CYP4A11: variants seen among roughly 807,000 people sequenced by gnomAD.
CYP4A11 encodes the protein cytochrome P450 4A11.
A neutral mutation model predicts 57.7 loss-of-function variants in CYP4A11; 52 were observed. The ratio of observed to expected loss-of-function variants is 0.90; its 90% confidence interval spans 0.72 to 1.14. CYP4A11 has a LOEUF of 1.14. Among genes scored for constraint, CYP4A11 ranks in the 50% most tolerant of loss-of-function variants. The pLI is 0.00. For missense variants in CYP4A11, 641 were observed against 642.1 expected (o/e 1.00, Z 0.02); for synonymous variants, 228 against 247.1 (o/e 0.92, Z 0.72).
intron 3 of CYP4A11, among the ~76,000 whole-genome samples, chr1:46,937,048 G>A (rs759108620): frequency 1.3e-5 from 2 of 152,166 alleles, no homozygotes; most frequent in Admixed American, 1.3e-4. Flanking sequence ...AAAGGGTTGT[G>A]GGCAGATGTA....
At chr1:46,939,524 T>C (rs947696455) in intron 1 of CYP4A11, among the ~76,000 whole-genome samples, 1 of 152,200 alleles carries the variant, frequency 6.6e-6, no homozygotes, top group African/African-American at 2.4e-5. Context: ...AGTCATCATT[T>C]ACTGAGGGAC....
rs1681100533 is a variant in CYP4A11 at position 46,932,748 on chromosome 1, C to G, written c.1364+13G>C. On this transcript the variant is annotated intron_variant, in intron 11 of 11. Coordinates refer to ENST00000310638, the MANE Select transcript of CYP4A11 (RefSeq NM_000778.4). ...TCATTCCTCTATTCGAATTACCACA[C>G]AGGACGTCTCACCTTGATCCTCCTG... The G allele has an allele frequency of 6.2e-7, 1 of 1,614,194 alleles. No homozygotes were observed.
rs1681470940 is a variant in CYP4A11, at chr1:46,937,308, A to G, written c.376T>C (p.Trp126Arg). 7 of 1,614,126 alleles carry G rather than the reference A, an allele frequency of 4.3e-6. No individual in the cohort carries two copies. The highest frequency in any genetic ancestry group is 1.7e-4 in the Middle Eastern group (1 of 6,060). The part of the protein sequence containing the change: ...SHGSYRFLAP[W>R]IGYGLLLLNG... ...TCCTAGTTTGCACACATACCAATCC[A>G]TGGAGCCAGGAATCTGTAGGAACCA... Residue 126 changes from tryptophan (W) to arginine (R), a missense_variant, in exon 3 of 12, where the codon TGG becomes CGG. Transcript: ENST00000310638.
chr1:46,937,090 G>C (rs201934350), intron 3 of CYP4A11, among the ~76,000 whole-genome samples: 1 of 152,216 alleles, frequency 6.6e-6, no homozygotes, highest in Non-Finnish European at 1.5e-5. Flanking sequence ...TGTCTGGAGA[G>C]AACTGAGACA....
At chr1:46,933,134 CA>C (rs1681135323) in intron 9 of CYP4A11, 87 bp from the exon 10 acceptor site, 1 of 1,564,818 alleles carries the variant, frequency 6.4e-7, no homozygotes, top group African/African-American at 1.4e-5. Context: ...AAAGAAGGCC[CA>C]AAAAGCCTAC....
In CYP4A11 at chr1:46,933,003, T is replaced by C; in HGVS notation, c.1267A>G (p.Lys423Glu). The change falls in exon 10 of 12, where the codon AAA becomes GAA. Residue 423 changes from lysine (K) to glutamate (E), a missense_variant. By Grantham distance (56) the Lys-to-Glu change is moderately conservative (BLOSUM62 1). Coordinates refer to ENST00000310638, the MANE Select transcript of CYP4A11 (RefSeq NM_000778.4). ...LSIYGLHHNP[K>E]VWPNPEVFDP... Reference sequence around the variant, plus strand: ...CATACCTCTGGGTTGGGCCACACTTTTGGGTTGTGGTGAAGGCCATAAATG... The same window carrying C: ...CATACCTCTGGGTTGGGCCACACTTCTGGGTTGTGGTGAAGGCCATAAATG... 2 of 1,614,130 alleles carry C rather than the reference T, an allele frequency of 1.2e-6. No individual in the cohort carries two copies. Among genetic ancestry groups the C allele is most frequent in the Non-Finnish European group, 1.7e-6 (2 of 1,180,012 alleles).
chr1:46,935,279 A>G (rs946781410), intron 5 of CYP4A11, 125 bp from the exon 6 acceptor site: 104 of 1,256,946 alleles, frequency 8.3e-5, no homozygotes, highest in South Asian at 2.5e-4. Context: ...TGTTTCTTCT[A>G]TCTTACAGCC....
chr1:46,932,299 A>G (rs1681074349), intron 11 of CYP4A11: 8 of 1,017,818 alleles, frequency 7.9e-6, no homozygotes, highest in Non-Finnish European at 8.3e-6. Flanking sequence ...AAAGACTTCA[A>G]TGATTCATCT....
rs553220044 is a variant in CYP4A11, at chr1:46,931,090, T to C, written c.1365-780A>G. Among the ~76,000 whole-genome samples the C allele has an allele frequency of 3.6e-4, 55 of 152,336 alleles. 2 individuals carry two copies. In the South Asian group the frequency reaches 7.7e-3, roughly 21 times the overall value. On this transcript the variant is annotated intron_variant, in intron 11 of 11. Coordinates refer to ENST00000310638, the MANE Select transcript of CYP4A11 (RefSeq NM_000778.4). ...TGGGACAGCATCCCAATGCCTCAGCTGGCAGATAAGCCCTCCATGGGCTCT... is the reference window on the plus strand; with the variant it reads ...TGGGACAGCATCCCAATGCCTCAGCCGGCAGATAAGCCCTCCATGGGCTCT...
At chr1:46,941,078 C>T (rs1681719975) in intron 1 of CYP4A11, 161 bp downstream of exon 1, 1 of 959,836 alleles carries the variant, frequency 1.0e-6, no homozygotes, top group Non-Finnish European at 1.2e-6. Context: ...AAGTGAGCTC[C>T]TCATGACTGG....
At chr1:46,938,965 C>T (rs1347779992) in intron 1 of CYP4A11, among the ~76,000 whole-genome samples, 2 of 152,216 alleles carry the variant, frequency 1.3e-5, no homozygotes, top group African/African-American at 4.8e-5. Flanking sequence ...ACACCAGCTA[C>T]ACCTGCTCAC....
At chr1:46,940,713 T>A in intron 1 of CYP4A11, 1 of 985,452 alleles carries the variant, frequency 1.0e-6, no homozygotes, top group Non-Finnish European at 1.2e-6. Flanking sequence ...CCAGCAGATC[T>A]CTGCCTCAGA....
chr1:46,940,873 G>A, intron 1 of CYP4A11: 2 of 985,376 alleles, frequency 2.0e-6, no homozygotes, highest in Non-Finnish European at 2.4e-6. Flanking sequence ...CAGGCAGAGT[G>A]ATGGCATTGA....
chr1:46,932,386 T>A, intron 11 of CYP4A11: 1 of 1,112,868 alleles, frequency 9.0e-7, no homozygotes, highest in Non-Finnish European at 1.1e-6. Flanking sequence ...AAATCTACAG[T>A]TTACTATTCC....
chr1:46,929,590 T>A lies in CYP4A11; in HGVS notation c.*525A>T, dbSNP rs1245997690. ...AGCTGTGACGGTTTAGCATCTGCTC[T>A]GCTACTTGAGATAATGGAGAGCAGG... On this transcript the variant is annotated 3_prime_UTR_variant, in exon 12 of 12. Transcript: ENST00000310638. 2.6e-5 allele frequency: 2 copies of A among 77,408 alleles called. 1 individual carries two copies. Among genetic ancestry groups the A allele is most frequent in the African/African-American group, 6.4e-5 (2 of 31,094 alleles). The allele number at this position is 77,408 out of a possible 1,614,324, so 4.8% of individuals were successfully genotyped here. A position where few individuals can be genotyped will look rare whatever the true frequency, so the allele number is the denominator to read the frequency against.
intron 9 of CYP4A11, 101 bp downstream of exon 9, chr1:46,933,845 G>T: frequency 6.6e-7 from 1 of 1,510,164 alleles, no homozygotes; most frequent in Non-Finnish European, 8.9e-7. Context: ...AGAACAAAAG[G>T]GAGACCCAGA....
At chr1:46,940,903 C>G (rs576462155) in intron 1 of CYP4A11, 1 of 985,382 alleles carries the variant, frequency 1.0e-6, no homozygotes, top group South Asian at 4.7e-5. Context: ...CAGAGAGCAT[C>G]TAGAAGCCTT....
chr1:46,932,283 A>T, intron 11 of CYP4A11: 3 of 1,014,746 alleles, frequency 3.0e-6, no homozygotes, highest in Non-Finnish European at 3.5e-6. Flanking sequence ...TATTATAAAC[A>T]GATGCAAAGA....
chr1:46,935,188 G>A (rs369463370), intron 5 of CYP4A11, 34 bp from the exon 6 acceptor site: 5 of 1,596,930 alleles, frequency 3.1e-6, no homozygotes, highest in East Asian at 2.2e-5. Flanking sequence ...ACTGCAGTAG[G>A]GGTGGGCCCA....
Sources: allele counts gnomAD v4.1 joint callset (sites outside exome capture counted in the v4.1 genomes callset), GRCh38; gene constraint gnomAD v4.1.1; transcripts MANE v1.5; gene names NCBI Gene and HGNC (gene_info 2026-07-23, HGNC 2026-07-21).